The following ZNF385B variants were observed in gnomAD, a reference collection of about 807,000 sequenced individuals.
ZNF385B encodes zinc finger protein 385B, also known as zinc finger protein 533.
In ZNF385B, 23 loss-of-function variants were observed where a neutral mutation model predicts 39.2. The ratio of observed to expected loss-of-function variants is 0.59; its 90% CI spans 0.42 to 0.83. The LOEUF (loss-of-function observed/expected upper bound fraction) is 0.83. Among genes scored for constraint, ZNF385B ranks in the 40% least tolerant of loss-of-function variants. The pLI, the probability that ZNF385B is intolerant of heterozygous loss-of-function variation, is 0.00. For synonymous variants in ZNF385B, 205 were observed against 222.6 expected (o/e 0.92, Z 0.70); for missense variants, 552 against 598.9 (o/e 0.92, Z 0.82).
At chr2:179,544,764 A>C (rs1390139165) in intron 4 of ZNF385B, 63 bp downstream of exon 4, 1 of 1,594,918 alleles carries the variant, frequency 6.3e-7, no homozygotes, top group African/African-American at 1.3e-5. Flanking sequence ...TCTATTGACT[A>C]TTCACAAATG....
At chr2:179,526,582 C>T (rs1043124980) in intron 4 of ZNF385B, among the ~76,000 whole-genome samples, 14 of 151,212 alleles carry the variant, frequency 9.3e-5, no homozygotes, top group African/African-American at 2.2e-4. Flanking sequence ...GCAACAAGAG[C>T]GAAACTCTGT....
chr2:179,548,836 T>C (rs2060393370), intron 3 of ZNF385B, among the ~76,000 whole-genome samples: 1 of 149,340 alleles, frequency 6.7e-6, no homozygotes, highest in Non-Finnish European at 1.5e-5. Context: ...GTGGGGATTG[T>C]GGGAGCTATA....
intron 9 of ZNF385B, among the ~76,000 whole-genome samples, chr2:179,444,450 G>A (rs754391154): frequency 7.2e-5 from 11 of 152,240 alleles, no homozygotes; most frequent in South Asian, 6.2e-4. Context: ...TACAGACACC[G>A]CTTTACCTTC....
At chr2:179,638,811 T>C (rs2106212755) in intron 3 of ZNF385B, among the ~76,000 whole-genome samples, 1 of 152,182 alleles carries the variant, frequency 6.6e-6, no homozygotes, top group South Asian at 2.1e-4. Flanking sequence ...CTCAAACTGA[T>C]GAGAACAAGT....
intron 3 of ZNF385B, among the ~76,000 whole-genome samples, chr2:179,663,713 C>CAAAAAA (rs71401756): frequency 0.045 from 3,023 of 67,656 alleles, 205 homozygotes; most frequent in African/African-American, 0.06. Context: ...GACTCCGTCT[C>CAAAAAA]AAAAAAAAAA....
chr2:179,776,244 A>T (rs965938964), intron 1 of ZNF385B, among the ~76,000 whole-genome samples: 1 of 152,198 alleles, frequency 6.6e-6, no homozygotes, highest in Admixed American at 6.5e-5. Flanking sequence ...GTCTTACCAG[A>T]AGATTGACAG....
chr2:179,718,245 C>T (rs975064216), intron 3 of ZNF385B, among the ~76,000 whole-genome samples: 1 of 151,524 alleles, frequency 6.6e-6, no homozygotes, highest in Non-Finnish European at 1.5e-5. Flanking sequence ...TATTTATCCA[C>T]ACGCATGTTG....
intron 6 of ZNF385B, among the ~76,000 whole-genome samples, chr2:179,471,944 G>A (rs1428049250): frequency 6.6e-6 from 1 of 152,126 alleles, no homozygotes; most frequent in Non-Finnish European, 1.5e-5. Context: ...AGTACTTTAA[G>A]TAATTCCCCT....
chr2:179,706,495 G>A (rs1388880843), intron 3 of ZNF385B, among the ~76,000 whole-genome samples: 3 of 152,138 alleles, frequency 2.0e-5, no homozygotes, highest in Non-Finnish European at 4.4e-5. Flanking sequence ...GATTGGGGAA[G>A]GGGAAATCCA....
intron 3 of ZNF385B, among the ~76,000 whole-genome samples, chr2:179,563,606 A>G (rs1559485191): frequency 6.6e-6 from 1 of 152,200 alleles, no homozygotes; most frequent in Non-Finnish European, 1.5e-5. Flanking sequence ...AGCAAAGAAA[A>G]TGGTAATTAT....
intron 3 of ZNF385B, among the ~76,000 whole-genome samples, chr2:179,545,443 T>C (rs947962170): frequency 6.6e-6 from 1 of 152,170 alleles, no homozygotes; most frequent in Non-Finnish European, 1.5e-5. Flanking sequence ...TGAACCTGTA[T>C]AGTTACTGTC....
chr2:179,643,009 C>T (rs957165703), intron 3 of ZNF385B, among the ~76,000 whole-genome samples: 10 of 152,064 alleles, frequency 6.6e-5, no homozygotes, highest in African/African-American at 1.4e-4. Flanking sequence ...TCTGATAGAA[C>T]ACAATTTTCT....
intron 1 of ZNF385B, among the ~76,000 whole-genome samples, chr2:179,832,021 C>G (rs148966815): frequency 6.6e-6 from 1 of 152,164 alleles, no homozygotes; most frequent in Non-Finnish European, 1.5e-5. Context: ...CAAGACTGCC[C>G]GCATATAACA....
intron 6 of ZNF385B, among the ~76,000 whole-genome samples, chr2:179,470,467 C>G (rs2367646): frequency 0.057 from 8,484 of 148,976 alleles, 257 homozygotes; most frequent in Middle Eastern, 0.11. Context: ...GATGATTTTC[C>G]TTTGTGATAT....
chr2:179,820,511 T>C (rs1406286741), intron 1 of ZNF385B, among the ~76,000 whole-genome samples: 1 of 152,022 alleles, frequency 6.6e-6, no homozygotes, highest in East Asian at 1.9e-4. Flanking sequence ...TAACATACTC[T>C]TATCTGCCTA....
At chr2:179,522,401 C>T (rs544807304) in intron 4 of ZNF385B, among the ~76,000 whole-genome samples, 43 of 152,156 alleles carry the variant, frequency 2.8e-4, no homozygotes, top group African/African-American at 9.6e-4. Context: ...GTAACTAAAT[C>T]GATGATAATT....
intron 3 of ZNF385B, among the ~76,000 whole-genome samples, chr2:179,587,154 G>A (rs2106056891): frequency 6.6e-6 from 1 of 152,216 alleles, no homozygotes; most frequent in African/African-American, 2.4e-5. Context: ...TATTTTTAAA[G>A]GCCTTCAAAA....
chr2:179,481,246 T>TA (rs2053955725), intron 6 of ZNF385B: 1 of 152,182 alleles, frequency 6.6e-6, no homozygotes, highest in African/African-American at 2.4e-5. Context: ...CTTGAATCCT[T>TA]AAACTTTATT....
At chr2:179,618,880 T>C (rs1558988988) in intron 3 of ZNF385B, among the ~76,000 whole-genome samples, 1 of 152,190 alleles carries the variant, frequency 6.6e-6, no homozygotes, top group Admixed American at 6.5e-5. Context: ...TCTCTTCTAC[T>C]TACAATAGAC....
Sources: allele counts gnomAD v4.1 joint callset (sites outside exome capture counted in the v4.1 genomes callset), GRCh38; gene constraint gnomAD v4.1.1; transcripts MANE v1.5; gene names NCBI Gene and HGNC (gene_info 2026-07-23, HGNC 2026-07-21).